Variants in ZNF143 observed in about 807,000 individuals in gnomAD.
ZNF143 encodes zinc finger protein 143.
A neutral mutation model predicts 74.1 loss-of-function variants in ZNF143; 49 were observed. The ratio of observed to expected loss-of-function variants is 0.66; its 90% CI spans 0.53 to 0.84. ZNF143 has a LOEUF of 0.84. Among genes scored for constraint, ZNF143 ranks in the 40% least tolerant of loss-of-function variants. The probability of loss-of-function intolerance (pLI) is 0.00; values close to 1 mark genes in which losing one functional copy is unlikely to be tolerated. For missense variants in ZNF143, 637 were observed against 793.4 expected (o/e 0.80, Z 2.37); for synonymous variants, 304 against 282.8 (o/e 1.07, Z -0.75).
At chr11:9,497,127 A>G (rs1448813961) in intron 9 of ZNF143, among the ~76,000 whole-genome samples, 1 of 152,214 alleles carries the variant, frequency 6.6e-6, no homozygotes, top group Admixed American at 6.5e-5. Flanking sequence ...AGAACAACTG[A>G]TAAAACTGAG....
chr11:9,478,568 G>A lies in ZNF143; in HGVS notation c.552G>A (p.Leu184=). ...TTGACCCTGACACCATCAGTGCTTT[G>A]GAACAGTATGCAGCAAAGGTATAGC... ...ATIDPDTISA[L]EQYAAKVSID... is the part of the protein sequence containing the mutation. The change falls in exon 6 of 16, where the codon TTG becomes TTA. Residue 184 remains leucine (L), a synonymous_variant. Transcript: ENST00000396602. 1.2e-6 allele frequency: 2 copies of A among 1,613,964 alleles called. No individual in the cohort carries two copies. The highest frequency in any genetic ancestry group is 1.7e-5 in the Admixed American group (1 of 60,010).
chr11:9,525,426 C>CTGCTCATAG, intron 15 of ZNF143, 40 bp downstream of exon 15: 2 of 1,612,694 alleles, frequency 1.2e-6, no homozygotes, highest in Non-Finnish European at 1.7e-6. Flanking sequence ...GACAGCAGTG[C>CTGCTCATAG]TGCTCATAGC....
At chr11:9,525,521 G>A in intron 15 of ZNF143, 135 bp downstream of exon 15, 1 of 1,183,822 alleles carries the variant, frequency 8.4e-7, no homozygotes, top group Non-Finnish European at 1.2e-6. Context: ...CCTACTTTAA[G>A]GAAATCGGTG....
intron 7 of ZNF143, among the ~76,000 whole-genome samples, chr11:9,486,378 T>TA (rs1847494883): frequency 8.3e-5 from 3 of 36,198 alleles, no homozygotes; most frequent in East Asian, 5.2e-4. Context: ...TATAATATAT[T>TA]ATATATATAA....
chr11:9,507,905 A>G (rs1848419045), intron 11 of ZNF143, among the ~76,000 whole-genome samples: 1 of 152,198 alleles, frequency 6.6e-6, no homozygotes, highest in African/African-American at 2.4e-5. Context: ...TTGGTCATGA[A>G]CTGATAGTTG....
At chr11:9,505,276 G>T (rs1203762000) in intron 11 of ZNF143, among the ~76,000 whole-genome samples, 2 of 146,052 alleles carry the variant, frequency 1.4e-5, no homozygotes, top group African/African-American at 2.5e-5. Context: ...CTGGCCAAAA[G>T]ACTTTTTTTT....
intron 7 of ZNF143, among the ~76,000 whole-genome samples, chr11:9,482,249 C>T (rs1308130106): frequency 5.7e-5 from 8 of 141,316 alleles, no homozygotes; most frequent in Non-Finnish European, 1.1e-4. Context: ...GGATTACAGG[C>T]GTGAGCTACT....
chr11:9,514,847 G>C (rs774238062), intron 13 of ZNF143, among the ~76,000 whole-genome samples: 47 of 152,338 alleles, frequency 3.1e-4, no homozygotes, highest in Non-Finnish European at 6.6e-4. Context: ...AAGAAGTCTG[G>C]GCTGGGCACA....
intron 4 of ZNF143, among the ~76,000 whole-genome samples, chr11:9,474,259 T>C (rs1856754714): frequency 6.6e-6 from 1 of 152,154 alleles, no homozygotes; most frequent in South Asian, 2.1e-4. Context: ...CCTGAGTGAA[T>C]GTTTCTGTTT....
intron 7 of ZNF143, among the ~76,000 whole-genome samples, chr11:9,485,388 C>A (rs1847433563): frequency 7.2e-6 from 1 of 138,202 alleles, no homozygotes; most frequent in Non-Finnish European, 1.5e-5. Context: ...CGCTATGTCA[C>A]CCAGGCTGGA....
chr11:9,495,161 A>G (rs1847916026), intron 8 of ZNF143, among the ~76,000 whole-genome samples: 1 of 152,210 alleles, frequency 6.6e-6, no homozygotes, highest in African/African-American at 2.4e-5. Context: ...ATTTGGGCTA[A>G]GGCTGGGCGT....
chr11:9,516,205 A>G lies in ZNF143; in HGVS notation c.1529A>G (p.Asn510Ser), dbSNP rs762000607. The change falls in exon 14 of 16, where the codon AAC (asparagine) becomes AGC (serine). Residue 510 changes from asparagine to serine, a missense_variant. This residue lies in a region of ZNF143 where 344 missense variants were observed against 485.6 expected (regional missense o/e 0.71). Transcript: ENST00000396602. ...LISQDGTQHVNISQADMQAIG... is the reference protein window; with the variant it reads ...LISQDGTQHVSISQADMQAIG... ...GTAAAATTCACTGTATTGCAGGTCA[A>G]CATATCTCAAGCTGACATGCAGGCC... 22 of 1,613,678 alleles carry G rather than the reference A, an allele frequency of 1.4e-5. No homozygotes were observed. Among genetic ancestry groups the G allele is most frequent in the African/African-American group, 2.7e-5 (2 of 74,902 alleles).
intron 12 of ZNF143, among the ~76,000 whole-genome samples, chr11:9,511,051 G>T (rs1266142058): frequency 6.8e-6 from 1 of 147,334 alleles, no homozygotes; most frequent in Non-Finnish European, 1.5e-5. Flanking sequence ...TTCTGGCTTT[G>T]TGGTTAATGT....
Position 9,479,544 on chromosome 11 carries a change from C to G in ZNF143, c.643C>G (p.Gln215Glu), listed in dbSNP as rs746421008. 8.7e-6 allele frequency: 14 copies of G among 1,610,998 alleles called. No homozygotes were observed. The highest frequency in any genetic ancestry group is 1.2e-5 in the Non-Finnish European group (14 of 1,178,736). Residue 215 changes from glutamine (Q) to glutamate (E), a missense_variant and splice_region_variant, in exon 7 of 16, where the codon CAG (glutamine) becomes GAG (glutamate). By Grantham distance (29) the Gln-to-Glu change is conservative. This residue lies in a region of ZNF143 where 293 missense variants were observed against 307.8 expected (regional missense o/e 0.95). Transcript: ENST00000396602. Reference protein sequence around the residue: ...IGENEQEKKMQIVLQGHATRV... With the variant: ...IGENEQEKKMEIVLQGHATRV... Reference sequence around the variant, plus strand: ...AGAAAATGAGCAAGAGAAAAAAATGCAGGTATGTAAAGCTACTTTTTAATA... The same window carrying G: ...AGAAAATGAGCAAGAGAAAAAAATGGAGGTATGTAAAGCTACTTTTTAATA...
chr11:9,475,493 C>G (rs183622449), intron 5 of ZNF143, among the ~76,000 whole-genome samples: 176 of 152,276 alleles, frequency 1.2e-3, no homozygotes, highest in African/African-American at 4.1e-3. Context: ...GTTGCTCAGG[C>G]TGGTCCTGAA....
In ZNF143 at chr11:9,471,518, A is replaced by G. The variant is rs183309928; in HGVS notation, c.112+98A>G. 7.2e-5 allele frequency: 61 copies of G among 850,694 alleles called. No individual in the cohort carries two copies. The East Asian group carries it at 1.4e-3, about 19-fold the overall frequency. The allele number at this position is 850,694 out of a possible 1,614,324, so 52.7% of individuals were successfully genotyped here. ...CTAGTTCCTGATTTAGCAGAAAACA[A>G]TATAAACCTAGGTCTTTTTATGAGG... On this transcript the variant is annotated intron_variant, in intron 2 of 15. Coordinates refer to ENST00000396602, the MANE Select transcript of ZNF143 (RefSeq NM_003442.6).
intron 15 of ZNF143, among the ~76,000 whole-genome samples, chr11:9,526,351 C>T (rs1849126111): frequency 6.6e-6 from 1 of 151,672 alleles, no homozygotes; most frequent in African/African-American, 2.4e-5. Flanking sequence ...GAGACCCTGT[C>T]TCAAAAAAAA....
chr11:9,497,275 G>T (rs1847992932), intron 9 of ZNF143, among the ~76,000 whole-genome samples: 1 of 152,190 alleles, frequency 6.6e-6, no homozygotes, highest in South Asian at 2.1e-4. Context: ...CTGTCGCCCA[G>T]CCTGGAGTGC....
chr11:9,461,240 T>C (rs961643425), intron 1 of ZNF143, among the ~76,000 whole-genome samples, 164 bp downstream of exon 1: 1 of 152,126 alleles, frequency 6.6e-6, no homozygotes, highest in Non-Finnish European at 1.5e-5. Flanking sequence ...TAGCGGCGTC[T>C]GGGCAGAAGC....
Sources: gnomAD v4.1 joint callset for allele counts (sites outside exome capture counted in the v4.1 genomes callset) on GRCh38, gnomAD v4.1.1 for gene constraint, gnomAD v4.1.1 regional missense constraint, MANE v1.5 for transcripts, NCBI Gene and HGNC (gene_info 2026-07-23, HGNC 2026-07-21) for gene names.